Variants in DNAH7 observed in about 807,000 individuals in gnomAD.
DNAH7 encodes the protein dynein axonemal heavy chain 7.
Under a neutral mutation model 444.6 loss-of-function variants are expected in DNAH7, and 397 were observed. The ratio of observed to expected loss-of-function variants is 0.89; its 90% CI spans 0.82 to 0.97. DNAH7 has a LOEUF of 0.97. Ranked by LOEUF, DNAH7 falls within the 50% of genes least tolerant of loss-of-function variation. The pLI is 0.00. For missense variants in DNAH7, 4,902 were observed against 4,800.8 expected, an observed-to-expected ratio of 1.02 and a Z score of -0.62; for synonymous variants, 1,636 against 1,624.4, an observed-to-expected ratio of 1.01 and a Z score of -0.17.
At chr2:195,842,872 C>T (rs1698769217) in intron 47 of DNAH7, among the ~76,000 whole-genome samples, 1 of 152,174 alleles carries the variant, frequency 6.6e-6, no homozygotes, top group East Asian at 1.9e-4. Flanking sequence ...TGCAATTTGG[C>T]CTCTGATGGT....
intron 5 of DNAH7, among the ~76,000 whole-genome samples, chr2:196,032,415 G>A (rs1559353742): frequency 6.6e-6 from 1 of 152,176 alleles, no homozygotes; most frequent in Non-Finnish European, 1.5e-5. Context: ...CTGCCTGGGA[G>A]ACCACTAGAA....
intron 61 of DNAH7, among the ~76,000 whole-genome samples, chr2:195,767,162 A>G (rs1694628809): frequency 6.6e-6 from 1 of 151,984 alleles, no homozygotes; most frequent in South Asian, 2.1e-4. Context: ...TTATTATTAA[A>G]TTTTCATTTA....
At chr2:195,855,267 G>A (rs1699624311) in intron 45 of DNAH7, among the ~76,000 whole-genome samples, 1 of 152,138 alleles carries the variant, frequency 6.6e-6, no homozygotes, top group Non-Finnish European at 1.5e-5. Context: ...GACTTTAGCA[G>A]TTAATTTTTC....
chr2:195,856,661 A>G (rs1699730446), intron 44 of DNAH7, among the ~76,000 whole-genome samples: 1 of 152,202 alleles, frequency 6.6e-6, no homozygotes, highest in South Asian at 2.1e-4. Context: ...TGATATAACT[A>G]GTTCTCATAT....
chr2:196,021,695 A>T (rs1415818732), intron 8 of DNAH7, among the ~76,000 whole-genome samples: 2 of 151,694 alleles, frequency 1.3e-5, no homozygotes, highest in Non-Finnish European at 2.9e-5. Context: ...AGTGATACGC[A>T]CCTGTGGTCC....
intron 36 of DNAH7, among the ~76,000 whole-genome samples, chr2:195,880,407 C>CA (rs1469540889): frequency 2.0e-5 from 3 of 150,912 alleles, no homozygotes; most frequent in Non-Finnish European, 4.4e-5. Flanking sequence ...CGGCTCACTG[C>CA]AAGCTCCACC....
chr2:195,874,788 C>A (rs1352836543), intron 38 of DNAH7, among the ~76,000 whole-genome samples: 4 of 151,996 alleles, frequency 2.6e-5, no homozygotes, highest in Non-Finnish European at 5.9e-5. Context: ...CACCACTGCA[C>A]CCCACCTAAG....
intron 14 of DNAH7, 57 bp downstream of exon 14, chr2:195,987,009 C>T: frequency 6.9e-7 from 1 of 1,443,288 alleles, no homozygotes; most frequent in Non-Finnish European, 9.3e-7. Flanking sequence ...TGAGTGACAG[C>T]TGATTCTATT....
chr2:195,832,087 C>T (rs1165357057), intron 48 of DNAH7, among the ~76,000 whole-genome samples: 1 of 152,134 alleles, frequency 6.6e-6, no homozygotes, highest in Non-Finnish European at 1.5e-5. Flanking sequence ...TGATGCTTAC[C>T]TTTATACTAT....
chr2:195,951,024 T>C (rs948506468), intron 19 of DNAH7, among the ~76,000 whole-genome samples: 4 of 152,102 alleles, frequency 2.6e-5, no homozygotes, highest in Admixed American at 6.6e-5. Context: ...TAAATTGTGA[T>C]GTTAGGGTGT....
intron 49 of DNAH7, among the ~76,000 whole-genome samples, chr2:195,820,885 A>G (rs1329252350): frequency 6.6e-6 from 1 of 152,234 alleles, no homozygotes; most frequent in Admixed American, 6.5e-5. Flanking sequence ...CTTATTCAAA[A>G]GATTTATTTG....
chr2:196,049,456 G>A (rs1410291097), intron 3 of DNAH7, among the ~76,000 whole-genome samples: 1 of 152,198 alleles, frequency 6.6e-6, no homozygotes, highest in Non-Finnish European at 1.5e-5. Context: ...ACCAGTGCCA[G>A]ATCATTCTTG....
Position 195,794,401 on chromosome 2 carries a change from G to C in DNAH7, c.10653C>G (p.Ile3551Met). The part of the protein sequence containing the change: ...NEAPKGLRAN[I>M]IRSYLMDPIS... ...TCGGGTCCATGAGGTATGATCGAAT[G>C]ATATTAGCCCGTAAACCTTTTGGTG... The change falls in exon 57 of 65, where the codon ATC becomes ATG. Residue 3551 changes from isoleucine to methionine, a missense_variant. Coordinates refer to ENST00000312428, the MANE Select transcript of DNAH7 (RefSeq NM_018897.3). The C allele has an allele frequency of 6.2e-7, 1 of 1,614,106 alleles. No individual in the cohort carries two copies. Among genetic ancestry groups the C allele is most frequent in the Non-Finnish European group, 8.5e-7 (1 of 1,180,000 alleles).
chr2:195,779,850 C>T (rs1038291437), intron 58 of DNAH7, among the ~76,000 whole-genome samples: 1 of 152,198 alleles, frequency 6.6e-6, no homozygotes, highest in African/African-American at 2.4e-5. Flanking sequence ...AGGCAATCCA[C>T]TGCCTCAGCC....
intron 3 of DNAH7, among the ~76,000 whole-genome samples, chr2:196,050,505 ATT>A (rs982010073): frequency 2.0e-5 from 3 of 152,170 alleles, no homozygotes; most frequent in Admixed American, 6.5e-5. Context: ...TGTTATGTAT[ATT>A]TTATCAATTT....
In DNAH7 at chr2:196,001,813, T is replaced by A. The variant is rs759283851; in HGVS notation, c.1035A>T (p.Lys345Asn). The A allele has an allele frequency of 4.3e-6, 7 of 1,612,716 alleles. No homozygotes were observed. The South Asian group carries it at 7.7e-5, about 18-fold the overall frequency. The change falls in exon 11 of 65, where the codon AAA becomes AAT. Residue 345 changes from lysine to asparagine, a missense_variant. Transcript: ENST00000312428. ...TGCTGTCACCAGTTGGCAATTGCTTTTTTTTATTACCTTGGTAATAAATAT... is the reference window on the plus strand; with the variant it reads ...TGCTGTCACCAGTTGGCAATTGCTTATTTTTATTACCTTGGTAATAAATAT... ...VQNIYYQGNKKKQLPTGDSSA... is the reference protein window; with the variant it reads ...VQNIYYQGNKNKQLPTGDSSA...
At chr2:195,991,010 A>G (rs2125649261) in intron 12 of DNAH7, among the ~76,000 whole-genome samples, 1 of 145,536 alleles carries the variant, frequency 6.9e-6, no homozygotes, top group African/African-American at 2.6e-5. Flanking sequence ...AAATCATTTT[A>G]TTGATACTTT....
At chr2:196,066,284 C>T (rs1698425185) in intron 1 of DNAH7, among the ~76,000 whole-genome samples, 1 of 152,212 alleles carries the variant, frequency 6.6e-6, no homozygotes, top group African/African-American at 2.4e-5. Flanking sequence ...TCAGTTGTCA[C>T]ACGTTTGAGT....
chr2:196,009,567 A>T (rs894820320), intron 10 of DNAH7, among the ~76,000 whole-genome samples: 3 of 152,206 alleles, frequency 2.0e-5, no homozygotes, highest in African/African-American at 7.2e-5. Flanking sequence ...TGCTGACGTG[A>T]CATTCAACTA....
Sources: gnomAD v4.1 joint callset for allele counts (sites outside exome capture counted in the v4.1 genomes callset) on GRCh38, gnomAD v4.1.1 for gene constraint, MANE v1.5 for transcripts, NCBI Gene and HGNC (gene_info 2026-07-23, HGNC 2026-07-21) for gene names.